ATP6V1E1: variants seen among roughly 807,000 people sequenced by gnomAD.
The protein encoded by ATP6V1E1 is V-type proton ATPase subunit E 1.
A neutral mutation model predicts 35.2 loss-of-function variants in ATP6V1E1; 21 were observed. The ratio of observed to expected loss-of-function variants is 0.60; its 90% confidence interval spans 0.42 to 0.86. ATP6V1E1 has a LOEUF of 0.86. ATP6V1E1 is among the 40% of genes least tolerant of loss of function. The pLI is 0.00. For missense variants in ATP6V1E1, 183 were observed against 272.6 expected (o/e 0.67, Z 2.32); for synonymous variants, 83 against 87.8 (o/e 0.95, Z 0.30).
At chr22:17,600,170 C>T in intron 5 of ATP6V1E1, 75 bp from the exon 6 acceptor site, 1 of 1,373,074 alleles carries the variant, frequency 7.3e-7, no homozygotes, top group Non-Finnish European at 1.0e-6. Context: ...CACAGTGGCT[C>T]AGGTCTGTAA....
intron 2 of ATP6V1E1, among the ~76,000 whole-genome samples, chr22:17,618,612 G>A (rs1260199850): frequency 6.6e-6 from 1 of 151,144 alleles, no homozygotes; most frequent in Non-Finnish European, 1.5e-5. Context: ...AACCTGGGAG[G>A]TGGAGCTTGC....
At position 17,599,942 on chromosome 22, in the gene ATP6V1E1, A is replaced by C. The variant is rs5992076; in HGVS notation, c.435+85T>G. On this transcript the variant is annotated intron_variant, in intron 6 of 8. Coordinates refer to ENST00000253413, the MANE Select transcript of ATP6V1E1 (RefSeq NM_001696.4). ...CTCCACCAAAAAAAAAAGAAAAGGAAGGAAGGAAGGAAAAGAAAGAGAGAG... is the reference window on the plus strand; with the variant it reads ...CTCCACCAAAAAAAAAAGAAAAGGACGGAAGGAAGGAAAAGAAAGAGAGAG... The C allele has an allele frequency of 0.088, 92,670 of 1,049,752 alleles. 4,595 individuals are homozygous for C. Among genetic ancestry groups the C allele is most frequent in the African/African-American group, 0.16 (8,986 of 56,714 alleles). 65.0% of individuals were successfully genotyped at this position (1,049,752 alleles called of 1,614,324 possible).
rs1225136249 is a variant in ATP6V1E1 at position 17,607,679 on chromosome 22, T to C, written c.276+5133A>G. On this transcript the variant is annotated intron_variant, in intron 4 of 8. Coordinates refer to ENST00000253413, the MANE Select transcript of ATP6V1E1 (RefSeq NM_001696.4). ...CACATGGTCACCAGTGGGGTTCCTCTAACACAAATGTAACCATTAAACACT... is the reference window on the plus strand; with the variant it reads ...CACATGGTCACCAGTGGGGTTCCTCCAACACAAATGTAACCATTAAACACT... Among the ~76,000 whole-genome samples the C allele has an allele frequency of 3.3e-5, 5 of 152,184 alleles. No individual in the cohort carries two copies. In the East Asian group the frequency reaches 9.6e-4, roughly 29 times the overall value.
In ATP6V1E1 at chr22:17,617,042, C is replaced by T. The variant is rs1347073175; in HGVS notation, c.99+2419G>A. Reference sequence around the variant, plus strand: ...CAGCCTGGGCGACAGAGCGAGACTCCGTCTCAAAAAAAAAAAAAAAAGAGT... The same window carrying T: ...CAGCCTGGGCGACAGAGCGAGACTCTGTCTCAAAAAAAAAAAAAAAAGAGT... On this transcript the variant is annotated intron_variant, in intron 2 of 8. Coordinates refer to ENST00000253413, the MANE Select transcript of ATP6V1E1 (RefSeq NM_001696.4). 6.5e-5 allele frequency among the ~76,000 whole-genome samples: 4 copies of T among 61,680 alleles called. 1 individual carries two copies. Among genetic ancestry groups the T allele is most frequent in the African/African-American group, 1.5e-4 (2 of 13,610 alleles). 40.5% of individuals were successfully genotyped at this position (61,680 alleles called of 152,430 possible). A position where few individuals can be genotyped will look rare whatever the true frequency, so the allele number is the denominator to read the frequency against.
chr22:17,620,273 G>T (rs1006429425), intron 1 of ATP6V1E1, among the ~76,000 whole-genome samples: 2 of 150,670 alleles, frequency 1.3e-5, no homozygotes, highest in Non-Finnish European at 3.0e-5. Flanking sequence ...TCAGCCTCCC[G>T]AGTAGCTGGG....
chr22:17,603,896 C>A (rs2057773197), intron 4 of ATP6V1E1, among the ~76,000 whole-genome samples: 1 of 152,192 alleles, frequency 6.6e-6, no homozygotes, highest in African/African-American at 2.4e-5. Flanking sequence ...ACTGGTCACA[C>A]AGACAGGGAT....
At chr22:17,614,986 G>GT in intron 2 of ATP6V1E1, among the ~76,000 whole-genome samples, 1 of 151,812 alleles carries the variant, frequency 6.6e-6, no homozygotes, top group South Asian at 2.1e-4. Context: ...TCCCTCATGG[G>GT]TAAGTGTCGC....
chr22:17,599,944 G>A, intron 6 of ATP6V1E1, 83 bp downstream of exon 6: 1 of 1,080,876 alleles, frequency 9.3e-7, no homozygotes, highest in East Asian at 2.9e-5. Flanking sequence ...GAAAAGGAAG[G>A]AAGGAAGGAA....
chr22:17,618,870 C>A (rs1430023331), intron 2 of ATP6V1E1, among the ~76,000 whole-genome samples: 1 of 151,858 alleles, frequency 6.6e-6, no homozygotes, highest in African/African-American at 2.4e-5. Flanking sequence ...TGTGACGGTG[C>A]CTGCCTGTAG....
At chr22:17,599,287 AAAAG>A (rs1450086439) in intron 6 of ATP6V1E1, among the ~76,000 whole-genome samples, 7 of 152,088 alleles carry the variant, frequency 4.6e-5, no homozygotes, top group East Asian at 1.9e-4. Context: ...TTAAAAAAAA[AAAAG>A]AAAGGCAGGG....
At chr22:17,601,360 A>G (rs2057760931) in intron 4 of ATP6V1E1, among the ~76,000 whole-genome samples, 179 bp from the exon 5 acceptor site, 1 of 152,186 alleles carries the variant, frequency 6.6e-6, no homozygotes, top group Non-Finnish European at 1.5e-5. Flanking sequence ...ACAAGGAAGC[A>G]TGTAACACCG....
chr22:17,613,379 AC>A, intron 2 of ATP6V1E1, 59 bp from the exon 3 acceptor site: 1 of 1,408,460 alleles, frequency 7.1e-7, no homozygotes, highest in South Asian at 1.2e-5. Flanking sequence ...ACAGTTTTAA[AC>A]AGCTGGTGAC....
intron 7 of ATP6V1E1, among the ~76,000 whole-genome samples, chr22:17,596,369 T>C (rs2057732282): frequency 6.6e-6 from 1 of 152,232 alleles, no homozygotes; most frequent in African/African-American, 2.4e-5. Context: ...GGATTCTAGC[T>C]CCGGCAGGAC....
chr22:17,618,998 A>C, intron 2 of ATP6V1E1: 1 of 453,908 alleles, frequency 2.2e-6, no homozygotes, highest in Non-Finnish European at 4.4e-6. Context: ...AGACTGTCTC[A>C]AAATGAAAGA....
At chr22:17,620,785 C>T (rs187139487) in intron 1 of ATP6V1E1, among the ~76,000 whole-genome samples, 4 of 152,156 alleles carry the variant, frequency 2.6e-5, no homozygotes, top group Admixed American at 6.6e-5. Context: ...CTTTACCGGC[C>T]GGGCATGGTG....
chr22:17,627,049 G>A (rs1044854773), intron 1 of ATP6V1E1, among the ~76,000 whole-genome samples: 9 of 151,940 alleles, frequency 5.9e-5, no homozygotes, highest in Non-Finnish European at 7.4e-5. Flanking sequence ...GAGTGCAGTG[G>A]CACAATCTTG....
At chr22:17,620,150 G>GTTT (rs35111647) in intron 1 of ATP6V1E1, among the ~76,000 whole-genome samples, 66 of 136,030 alleles carry the variant, frequency 4.9e-4, no homozygotes, top group Non-Finnish European at 7.5e-4. Flanking sequence ...CCTTCCCTTT[G>GTTT]TTTTTTTTTT....
intron 6 of ATP6V1E1, 89 bp from the exon 7 acceptor site, chr22:17,598,377 T>C: frequency 9.9e-7 from 1 of 1,012,472 alleles, no homozygotes; most frequent in Non-Finnish European, 1.5e-6. Flanking sequence ...CAAGGATACC[T>C]CCATTTATCC....
At chr22:17,604,009 C>G (rs990811109) in intron 4 of ATP6V1E1, among the ~76,000 whole-genome samples, 2 of 152,182 alleles carry the variant, frequency 1.3e-5, no homozygotes, top group African/African-American at 4.8e-5. Flanking sequence ...CTATGGAAAA[C>G]AGGGAAACGG....
Sources: gnomAD v4.1 joint callset for allele counts (sites outside exome capture counted in the v4.1 genomes callset) on GRCh38, gnomAD v4.1.1 for gene constraint, MANE v1.5 for transcripts, NCBI Gene and HGNC (gene_info 2026-07-23, HGNC 2026-07-21) for gene names.